JAK1: variants seen among roughly 807,000 people sequenced by gnomAD.
JAK1 encodes tyrosine-protein kinase JAK1.
In JAK1, 16 loss-of-function variants were observed where a neutral mutation model predicts 136.6. The ratio of observed to expected loss-of-function variants is 0.12; its 90% confidence interval spans 0.08 to 0.18. The LOEUF is 0.18. JAK1 is among the 10% of genes least tolerant of loss of function. JAK1 has a pLI of 1.00. For missense variants in JAK1, 859 were observed against 1,450.1 expected, an observed-to-expected ratio of 0.59 and a Z score of 6.62; for synonymous variants, 492 against 519.5, an observed-to-expected ratio of 0.95 and a Z score of 0.72.
chr1:65,001,678 T>TGGG (rs112850726), intron 2 of JAK1, among the ~76,000 whole-genome samples: 1 of 96,796 alleles, frequency 1.0e-5, no homozygotes, highest in Non-Finnish European at 2.5e-5. Context: ...AGTGTGTGTG[T>TGGG]GGGGGGGGGG....
intron 2 of JAK1, among the ~76,000 whole-genome samples, chr1:65,034,081 T>A (rs995693239): frequency 6.6e-5 from 10 of 152,212 alleles, no homozygotes; most frequent in African/African-American, 2.4e-4. Flanking sequence ...AGGATTTTAC[T>A]ATTCAGGATG....
chr1:65,044,275 G>A (rs1647164044), intron 2 of JAK1, among the ~76,000 whole-genome samples: 1 of 152,210 alleles, frequency 6.6e-6, no homozygotes, highest in African/African-American at 2.4e-5. Context: ...CTGGGACCCT[G>A]AACTGGTGAT....
intron 1 of JAK1, among the ~76,000 whole-genome samples, chr1:64,931,330 C>T (rs78622333): frequency 0.062 from 9,445 of 152,092 alleles, 447 homozygotes; most frequent in South Asian, 0.11. Context: ...CTTGTTCAAC[C>T]GCACTCCATG....
At chr1:65,012,900 T>C (rs1423152864) in intron 2 of JAK1, among the ~76,000 whole-genome samples, 1 of 150,182 alleles carries the variant, frequency 6.7e-6, no homozygotes, top group East Asian at 2.0e-4. Flanking sequence ...AAGACCATCC[T>C]GGCTAACACG....
chr1:65,043,084 T>C (rs910201121), intron 2 of JAK1, among the ~76,000 whole-genome samples: 9 of 152,182 alleles, frequency 5.9e-5, no homozygotes, highest in Non-Finnish European at 1.0e-4. Context: ...AAGTAGATCA[T>C]GGAATCTAAT....
At chr1:64,976,284 G>A (rs1354748200) in intron 2 of JAK1, among the ~76,000 whole-genome samples, 1 of 152,196 alleles carries the variant, frequency 6.6e-6, no homozygotes, top group Non-Finnish European at 1.5e-5. Flanking sequence ...TCCTCTGGGT[G>A]GTGTTATGTA....
chr1:65,016,502 G>A (rs952056388), intron 2 of JAK1, among the ~76,000 whole-genome samples: 1 of 152,068 alleles, frequency 6.6e-6, no homozygotes, highest in African/African-American at 2.4e-5. Flanking sequence ...TGCGCCTGTA[G>A]TCCCAACTAC....
chr1:65,020,294 A>G (rs1646927868), intron 2 of JAK1, among the ~76,000 whole-genome samples: 1 of 152,086 alleles, frequency 6.6e-6, no homozygotes, highest in Non-Finnish European at 1.5e-5. Flanking sequence ...CACTCTTTCA[A>G]AGTGGTTGTG....
At chr1:64,917,034 CCA>C in intron 1 of JAK1, among the ~76,000 whole-genome samples, 1 of 152,072 alleles carries the variant, frequency 6.6e-6, no homozygotes, top group African/African-American at 2.4e-5. Context: ...CCAAAGGCTA[CCA>C]GTTGCCAGGT....
Position 64,834,660 on chromosome 1 carries a change from G to A in JAK1, c.3370-3C>T. The A allele has an allele frequency of 6.3e-7, 1 of 1,590,822 alleles. No individual in the cohort carries two copies. The highest frequency in any genetic ancestry group is 8.6e-7 in the Non-Finnish European group (1 of 1,160,122). ...CATTTCCTCATAAGTTGATAAACCTGTAAAAAGAAAGAAGTAACAACAGTA... is the reference window on the plus strand; with the variant it reads ...CATTTCCTCATAAGTTGATAAACCTATAAAAAGAAAGAAGTAACAACAGTA... On this transcript the variant is annotated splice_polypyrimidine_tract_variant and splice_region_variant and intron_variant, in intron 24 of 24. Transcript: ENST00000342505.
upstream of JAK1, among the ~76,000 whole-genome samples, chr1:64,971,122 G>A (rs868061908): frequency 6.6e-5 from 10 of 152,100 alleles, no homozygotes; most frequent in Non-Finnish European, 4.4e-5. Context: ...CATGAAATTT[G>A]TTTCCAAAAA....
chr1:64,918,570 G>A lies in JAK1; in HGVS notation c.-77-32229C>T, dbSNP rs1295752330. 4 of 164,498 alleles carry A rather than the reference G, an allele frequency of 2.4e-5. No individual in the cohort carries two copies. The East Asian group carries it at 6.5e-4, about 27-fold the overall frequency. The allele number at this position is 164,498 out of a possible 1,614,324, so 10.2% of individuals were successfully genotyped here. A position where few individuals can be genotyped will look rare whatever the true frequency, so the allele number is the denominator to read the frequency against. ...TGGCATTTCAATCCAGATGTTAGTT[G>A]GGCCAGAAAGAATGACCCAGGGCCC... On this transcript the variant is annotated intron_variant, in intron 1 of 24. Transcript: ENST00000342505.
At chr1:65,024,660 C>CAACAAAAAA (rs1646962761) in intron 2 of JAK1, among the ~76,000 whole-genome samples, 1 of 69,866 alleles carries the variant, frequency 1.4e-5, no homozygotes, top group Non-Finnish European at 3.0e-5. Flanking sequence ...TGGTCCAAAG[C>CAACAAAAAA]AAAAAAAAAA....
intron 1 of JAK1, among the ~76,000 whole-genome samples, chr1:64,902,583 A>AGTGTGTGTGT (rs1297802875): frequency 0.015 from 1,082 of 73,812 alleles, 14 homozygotes; most frequent in Non-Finnish European, 0.02. Context: ...AGAGAGAGAG[A>AGTGTGTGTGT]GTGTGTGTGT....
At chr1:64,942,414 G>T (rs942863046) in intron 1 of JAK1, 3 of 152,134 alleles carry the variant, frequency 2.0e-5, no homozygotes, top group African/African-American at 4.8e-5. Context: ...TAATAAACAT[G>T]ATAACTGATC....
intron 5 of JAK1, 26 bp from the exon 6 acceptor site, chr1:64,869,500 A>G (rs1386965869): frequency 6.2e-7 from 1 of 1,605,530 alleles, no homozygotes; most frequent in Non-Finnish European, 8.5e-7. Context: ...AGAAACCATG[A>G]GAGCCCACCC....
rs942788876 is a variant in JAK1, at chr1:65,055,477, C to T, written c.-180-10895G>A. ...ATAAACATGGGTATACAATATCTGTCAGAGTGCCGCCTTTCACATCTTTTG... is the reference window on the plus strand; with the variant it reads ...ATAAACATGGGTATACAATATCTGTTAGAGTGCCGCCTTTCACATCTTTTG... On this transcript the variant is annotated intron_variant, in intron 1 of 25. Coordinates refer to the JAK1 transcript ENST00000671954. Among the ~76,000 whole-genome samples the T allele has an allele frequency of 3.3e-5, 5 of 152,284 alleles. No individual in the cohort carries two copies. In the South Asian group the frequency reaches 1.0e-3, roughly 32 times the overall value.
intron 1 of JAK1, among the ~76,000 whole-genome samples, chr1:64,948,254 CCAA>C (rs1646022515): frequency 6.6e-6 from 1 of 152,194 alleles, no homozygotes; most frequent in African/African-American, 2.4e-5. Flanking sequence ...CTCGTATGAA[CCAA>C]GATACACAGA....
At chr1:64,998,132 C>T (rs1257152755) in intron 2 of JAK1, among the ~76,000 whole-genome samples, 1 of 152,076 alleles carries the variant, frequency 6.6e-6, no homozygotes, top group Non-Finnish European at 1.5e-5. Flanking sequence ...GTCCTAAATG[C>T]AGTCCAAAGA....
Sources: allele counts gnomAD v4.1 joint callset (sites outside exome capture counted in the v4.1 genomes callset), GRCh38; gene constraint gnomAD v4.1.1; transcripts MANE v1.5; gene names NCBI Gene and HGNC (gene_info 2026-07-23, HGNC 2026-07-21).